SULT1E1: variants seen among roughly 807,000 people sequenced by gnomAD.
The protein encoded by SULT1E1 is sulfotransferase 1E1.
Under a neutral mutation model 33.6 loss-of-function variants are expected in SULT1E1, and 36 were observed. The ratio of observed to expected loss-of-function variants is 1.07; its 90% CI spans 0.82 to 1.41. SULT1E1 has a LOEUF of 1.41. SULT1E1 is among the 40% of genes most tolerant of loss of function. SULT1E1 has a pLI of 0.00. For synonymous variants in SULT1E1, 121 were observed against 111.7 expected (o/e 1.08, Z -0.53); for missense variants, 371 against 345.7 (o/e 1.07, Z -0.58).
downstream of SULT1E1, among the ~76,000 whole-genome samples, chr4:69,840,927 T>A (rs1720872299): frequency 6.6e-6 from 1 of 152,026 alleles, no homozygotes; most frequent in African/African-American, 2.4e-5. Flanking sequence ...CCGCCTGTAG[T>A]CCCAGCTACT....
chr4:69,837,339 T>C (rs1486570552), downstream of SULT1E1, among the ~76,000 whole-genome samples: 1 of 152,040 alleles, frequency 6.6e-6, no homozygotes, highest in East Asian at 1.9e-4. Flanking sequence ...CCCTGACACA[T>C]AGCAATGATC....
At chr4:69,837,880 T>G (rs899609716), downstream of SULT1E1, among the ~76,000 whole-genome samples, 2 of 152,330 alleles carry the variant, frequency 1.3e-5, no homozygotes, top group Admixed American at 6.5e-5. Context: ...AGGTGTCTTT[T>G]TTAAATGTTT....
downstream of SULT1E1, among the ~76,000 whole-genome samples, chr4:69,837,828 G>A (rs1288081765): frequency 6.6e-6 from 1 of 152,026 alleles, no homozygotes; most frequent in Non-Finnish European, 1.5e-5. Context: ...ACTGCTCCTG[G>A]CCAGTTTTTA....
chr4:69,848,847 C>T (rs1267789917), intron 5 of SULT1E1, among the ~76,000 whole-genome samples: 1 of 151,892 alleles, frequency 6.6e-6, no homozygotes, highest in East Asian at 1.9e-4. Context: ...AATCTAAACA[C>T]TTTAGTAAAA....
intron 4 of SULT1E1, among the ~76,000 whole-genome samples, chr4:69,852,118 T>G (rs1258504927): frequency 6.6e-6 from 1 of 152,102 alleles, no homozygotes; most frequent in Non-Finnish European, 1.5e-5. Context: ...AAACTTGAAG[T>G]ATAATTAAAA....
At chr4:69,843,424 CTGTTT>C (rs1560553780) in intron 7 of SULT1E1, among the ~76,000 whole-genome samples, 1 of 152,122 alleles carries the variant, frequency 6.6e-6, no homozygotes, top group Non-Finnish European at 1.5e-5. Flanking sequence ...GATCCCTGTT[CTGTTT>C]TGTTTTTTTC....
At chr4:69,826,583 C>T in the SULT1E1 span, among the ~76,000 whole-genome samples, 218 of 152,170 alleles carry the variant, frequency 1.4e-3, no homozygotes, top group African/African-American at 5.0e-3. Flanking sequence ...CACTCAAGCA[C>T]CAACAGGCTC....
At position 69,855,444 on chromosome 4, in the gene SULT1E1, A is replaced by C; in HGVS notation, c.146-18T>G. The C allele has an allele frequency of 6.2e-7, 1 of 1,601,396 alleles. No homozygotes were observed. Among genetic ancestry groups the C allele is most frequent in the Non-Finnish European group, 8.5e-7 (1 of 1,174,294 alleles). ...GGTTGTACCTGTAAAAATTAAATAA[A>C]CCTGAGTCTCCTGCTGACCCTGTAG... On this transcript the variant is annotated intron_variant, in intron 2 of 7. Coordinates refer to ENST00000226444, the MANE Select transcript of SULT1E1 (RefSeq NM_005420.3).
rs758757056 is a variant in SULT1E1, at chr4:69,849,348, T to A, written c.496+89A>T. 1.1e-5 allele frequency: 16 copies of A among 1,482,868 alleles called. No individual in the cohort carries two copies. The East Asian group carries it at 3.3e-4, about 30-fold the overall frequency. 91.9% of individuals were successfully genotyped at this position (1,482,868 alleles called of 1,614,324 possible). A position where few individuals can be genotyped will look rare whatever the true frequency, so the allele number is the denominator to read the frequency against. ...TAACTATGAATCAGGGAAGAAAACGTACCAGAACAGTTAAAAACTTTTACT... is the reference window on the plus strand; with the variant it reads ...TAACTATGAATCAGGGAAGAAAACGAACCAGAACAGTTAAAAACTTTTACT... On this transcript the variant is annotated intron_variant, in intron 5 of 7. Transcript: ENST00000226444.
downstream of SULT1E1, among the ~76,000 whole-genome samples, chr4:69,840,348 G>C (rs1165753454): frequency 6.6e-6 from 1 of 152,096 alleles, no homozygotes; most frequent in African/African-American, 2.4e-5. Context: ...TTGTAGTCTA[G>C]ATAAGCATTC....
chr4:69,844,670 G>C (rs1720939808), intron 6 of SULT1E1, among the ~76,000 whole-genome samples: 1 of 152,062 alleles, frequency 6.6e-6, no homozygotes, highest in Non-Finnish European at 1.5e-5. Context: ...AGTCCCCTGT[G>C]AAAAATCAAG....
the SULT1E1 span, among the ~76,000 whole-genome samples, chr4:69,830,930 A>C: frequency 6.6e-6 from 1 of 152,242 alleles, no homozygotes; most frequent in East Asian, 1.9e-4. Flanking sequence ...GGATGTGGCC[A>C]TGCTCTTGAT....
At chr4:69,837,022 GC>G (rs369431478), downstream of SULT1E1, among the ~76,000 whole-genome samples, 41 of 152,188 alleles carry the variant, frequency 2.7e-4, no homozygotes, top group East Asian at 4.6e-3. Context: ...GTTTGAGGCT[GC>G]AGTGAGCTAT....
rs1721178751 is a variant in SULT1E1, at chr4:69,853,971, T to A, written c.369+246A>T. Among the ~76,000 whole-genome samples the A allele has an allele frequency of 5.3e-5, 8 of 152,298 alleles. No homozygotes were observed. The South Asian group carries it at 1.7e-3, about 32-fold the overall frequency. On this transcript the variant is annotated intron_variant, in intron 4 of 7. Coordinates refer to ENST00000226444, the MANE Select transcript of SULT1E1 (RefSeq NM_005420.3). ...ATGAAAAAGATGTTATTATTATCTT[T>A]CTTCTACAGATGTAAAAACTTAGGC...
chr4:69,851,957 C>T (rs1024692171), intron 4 of SULT1E1, among the ~76,000 whole-genome samples: 1 of 151,984 alleles, frequency 6.6e-6, no homozygotes, highest in African/African-American at 2.4e-5. Context: ...GGGAACATCA[C>T]ACACTGGGGC....
chr4:69,844,245 C>G lies in SULT1E1; in HGVS notation c.688G>C (p.Glu230Gln). 1.2e-6 allele frequency: 2 copies of G among 1,613,860 alleles called. No homozygotes were observed. Among genetic ancestry groups the G allele is most frequent in the Non-Finnish European group, 1.7e-6 (2 of 1,179,832 alleles). ...DRIIHHTSFQEMKNNPSTNYT... is the reference protein window; with the variant it reads ...DRIIHHTSFQQMKNNPSTNYT... ...TTTGTGGATGGATTGTTCTTCATCT[C>G]TTGGAACGAAGTATGATGTATAATC... The change falls in exon 7 of 8, where the codon GAG becomes CAG. Residue 230 changes from glutamate to glutamine, a missense_variant. Glu to Gln is a conservative substitution (Grantham distance 29). Transcript: ENST00000226444.
intron 4 of SULT1E1, among the ~76,000 whole-genome samples, chr4:69,851,597 C>T (rs2110070765): frequency 6.6e-6 from 1 of 152,188 alleles, no homozygotes; most frequent in East Asian, 1.9e-4. Context: ...CTAGAAATAC[C>T]ATTTGACCCA....
At chr4:69,859,243 CTCTT>C (rs989212368) in intron 1 of SULT1E1, among the ~76,000 whole-genome samples, 12 of 152,068 alleles carry the variant, frequency 7.9e-5, no homozygotes, top group African/African-American at 2.9e-4. Context: ...TCTCCTTCCT[CTCTT>C]TCTTCCTTTC....
At chr4:69,846,305 C>CAAAAAAAAAAAAAAAA (rs34408656) in intron 6 of SULT1E1, among the ~76,000 whole-genome samples, 22 of 107,012 alleles carry the variant, frequency 2.1e-4, no homozygotes, top group Middle Eastern at 5.7e-3. Context: ...ACAAAACAAT[C>CAAAAAAAAAAAAAAAA]AAAAAAAAAA....
Sources: gnomAD v4.1 joint callset for allele counts (sites outside exome capture counted in the v4.1 genomes callset) on GRCh38, gnomAD v4.1.1 for gene constraint, MANE v1.5 for transcripts, NCBI Gene and HGNC (gene_info 2026-07-23, HGNC 2026-07-21) for gene names.